INPP1: variants seen among roughly 807,000 people sequenced by gnomAD.
INPP1 encodes inositol polyphosphate-1-phosphatase, also known as inositol polyphosphate 1-phosphatase.
INPP1 carries 18 observed loss-of-function variants against 23.0 expected under a neutral mutation model. That is an observed-to-expected ratio of 0.78 (90% CI 0.54 to 1.16). The LOEUF is 1.16. Among genes scored for constraint, INPP1 ranks in the 50% most tolerant of loss-of-function variants. The probability of loss-of-function intolerance (pLI) is 0.00; values close to 1 mark genes in which losing one functional copy is unlikely to be tolerated. For synonymous variants in INPP1, 164 were observed against 176.3 expected, an observed-to-expected ratio of 0.93 and a Z score of 0.55; for missense variants, 448 against 482.1, an observed-to-expected ratio of 0.93 and a Z score of 0.66.
intron 5 of INPP1, 61 bp downstream of exon 5, chr2:190,366,956 G>C: frequency 9.0e-7 from 1 of 1,107,062 alleles, no homozygotes; most frequent in East Asian, 2.4e-5. Context: ...GTGGGGTTGG[G>C]GATGGGTGTT....
intron 1 of INPP1, chr2:190,344,321 A>G (rs1180200442): frequency 6.5e-6 from 1 of 152,930 alleles, no homozygotes; most frequent in Non-Finnish European, 1.5e-5. Context: ...AGTCATTAGT[A>G]TTTGTAGGAC....
intron 1 of INPP1, chr2:190,344,169 C>T (rs2067389): frequency 8.4e-4 from 137 of 162,572 alleles, no homozygotes; most frequent in Non-Finnish European, 1.5e-3. Context: ...CGGCCGGGCC[C>T]GGCCAGGCAT....
rs1206973371 is a variant in INPP1 at position 190,345,930 on chromosome 2, G to A, written c.-209+1969G>A. 6.6e-6 allele frequency among the ~76,000 whole-genome samples: 1 copy of A among 152,206 alleles called. No individual in the cohort carries two copies. Among genetic ancestry groups the A allele is most frequent in the Non-Finnish European group, 1.5e-5 (1 of 68,042 alleles). On this transcript the variant is annotated intron_variant, in intron 1 of 6. Transcript: ENST00000392329. This position sits in a 1 kb window ranked among gnomAD's most constrained non-coding sequence, Gnocchi z 4.9. ...GATCCCTGGAACCTAGGAATCAGAG[G>A]TTGCAGTGAGCCCAGATCGCGCCAC...
At chr2:190,364,621 C>T (rs1260897817) in intron 4 of INPP1, among the ~76,000 whole-genome samples, 4 of 82,746 alleles carry the variant, frequency 4.8e-5, no homozygotes, top group Non-Finnish European at 8.8e-5. Flanking sequence ...GATGGAGTCT[C>T]CCTCTGTTGC....
chr2:190,351,125 T>A (rs1284886489), intron 2 of INPP1, among the ~76,000 whole-genome samples: 1 of 152,246 alleles, frequency 6.6e-6, no homozygotes, highest in Non-Finnish European at 1.5e-5. Context: ...GTACGAGTCC[T>A]AAGACAGCAA....
chr2:190,362,927 G>T, intron 4 of INPP1: 1 of 311,574 alleles, frequency 3.2e-6, no homozygotes. Context: ...ATAAATCTGT[G>T]GCATTTAAGT....
chr2:190,360,156 T>C lies in INPP1; in HGVS notation c.54T>C (p.Ile18=). The C allele has an allele frequency of 6.2e-7, 1 of 1,614,080 alleles. No individual in the cohort carries two copies. Among genetic ancestry groups the C allele is most frequent in the Non-Finnish European group, 8.5e-7 (1 of 1,180,028 alleles). ...GTGTCTCTGAGAAGGCTGCTAACATTGCCCGGGCGTGCAGACAGCAGGAAG... is the reference window on the plus strand; with the variant it reads ...GTGTCTCTGAGAAGGCTGCTAACATCGCCCGGGCGTGCAGACAGCAGGAAG... The part of the protein sequence containing the change: ...LLCVSEKAAN[I]ARACRQQEAL... The change falls in exon 3 of 7, where the codon ATT becomes ATC. Residue 18 remains isoleucine (I), a synonymous_variant. Transcript: ENST00000392329.
In INPP1 at chr2:190,362,782, C is replaced by T. The variant is rs1455341312; in HGVS notation, c.265+95C>T. 4.1e-6 allele frequency: 3 copies of T among 730,768 alleles called. No homozygotes were observed. The African/African-American group carries it at 5.5e-5, about 13-fold the overall frequency. The allele number at this position is 730,768 out of a possible 1,614,324, so 45.3% of individuals were successfully genotyped here. A position where few individuals can be genotyped will look rare whatever the true frequency, so the allele number is the denominator to read the frequency against. On this transcript the variant is annotated intron_variant, in intron 4 of 6. Transcript: ENST00000392329. ...CCATGAACTAAATGTTTGGAAGCCACTTACTGTAAACAACATAATATATTT... is the reference window on the plus strand; with the variant it reads ...CCATGAACTAAATGTTTGGAAGCCATTTACTGTAAACAACATAATATATTT...
Position 190,354,545 on chromosome 2 carries a change from C to T in INPP1, c.-64-5494C>T, listed in dbSNP as rs541458591. Among the ~76,000 whole-genome samples the T allele has an allele frequency of 5.9e-4, 90 of 152,290 alleles. No individual in the cohort carries two copies. The highest frequency in any genetic ancestry group is 2.1e-3 in the African/African-American group (87 of 41,552). On this transcript the variant is annotated intron_variant, in intron 2 of 6. Transcript: ENST00000392329. The surrounding 1 kb of genome is among the most constrained non-coding windows in gnomAD (Gnocchi z 4.8). Reference sequence around the variant, plus strand: ...GAGACATGCCAGAGATTAACGCCCACGATGGAAAGGCCAGGTGAGGCCACA... The same window carrying T: ...GAGACATGCCAGAGATTAACGCCCATGATGGAAAGGCCAGGTGAGGCCACA...
chr2:190,354,180 A>G lies in INPP1; in HGVS notation c.-65+5149A>G, dbSNP rs1689373670. ...GCAATATTAATTACTTGGCTGTTAA[A>G]GCGAATAGCTTTTAGTGGGAACGAC... On this transcript the variant is annotated intron_variant, in intron 2 of 6. Coordinates refer to ENST00000392329, the MANE Select transcript of INPP1 (RefSeq NM_001128928.2). This position sits in a 1 kb window ranked among gnomAD's most constrained non-coding sequence, Gnocchi z 4.8. 6.6e-6 allele frequency among the ~76,000 whole-genome samples: 1 copy of G among 152,244 alleles called. No homozygotes were observed. The highest frequency in any genetic ancestry group is 6.5e-5 in the Admixed American group (1 of 15,290).
At chr2:190,347,895 T>G (rs1689250375) in intron 1 of INPP1, among the ~76,000 whole-genome samples, 2 of 152,214 alleles carry the variant, frequency 1.3e-5, no homozygotes, top group African/African-American at 2.4e-5. Flanking sequence ...CCCAGCACTT[T>G]GGGAGGCCAA....
rs370147399 is a variant in INPP1, at chr2:190,364,339, T to C, written c.265+1652T>C. 3.3e-5 allele frequency among the ~76,000 whole-genome samples: 5 copies of C among 151,658 alleles called. No individual in the cohort carries two copies. The East Asian group carries it at 9.9e-4, about 30-fold the overall frequency. On this transcript the variant is annotated intron_variant, in intron 4 of 6. Coordinates refer to ENST00000392329, the MANE Select transcript of INPP1 (RefSeq NM_001128928.2). The stretch of plus-strand genomic sequence containing the variant: ...TGGATCACAAGGTCAGGAAATTGAG[T>C]CCATCCTGGCTAACACGGTGAAACC...
rs1488067667 is a variant in INPP1 at position 190,363,854 on chromosome 2, C to A, written c.265+1167C>A. ...TAGAGGCAAAAGGCATAGCCACATC[C>A]ATTTTCCTGTTTGTTAAAAGGGCAG... On this transcript the variant is annotated intron_variant, in intron 4 of 6. Coordinates refer to ENST00000392329, the MANE Select transcript of INPP1 (RefSeq NM_001128928.2). This position sits in a 1 kb window ranked among gnomAD's most constrained non-coding sequence, Gnocchi z 4.4. Among the ~76,000 whole-genome samples, 4 of 152,164 alleles carry A rather than the reference C, an allele frequency of 2.6e-5. No homozygotes were observed. Among genetic ancestry groups the A allele is most frequent in the Non-Finnish European group, 5.9e-5 (4 of 68,036 alleles).
chr2:190,352,093 A>T lies in INPP1; in HGVS notation c.-65+3062A>T, dbSNP rs983607826. 2.6e-5 allele frequency among the ~76,000 whole-genome samples: 4 copies of T among 152,164 alleles called. No individual in the cohort carries two copies. The highest frequency in any genetic ancestry group is 4.4e-5 in the Non-Finnish European group (3 of 68,020). Reference sequence around the variant, plus strand: ...TTCTGTATGTTTATTGGCCATTTGGATATCCTCCTGTATGAAGTGCCTATT... The same window carrying T: ...TTCTGTATGTTTATTGGCCATTTGGTTATCCTCCTGTATGAAGTGCCTATT... On this transcript the variant is annotated intron_variant, in intron 2 of 6. Transcript: ENST00000392329. This position sits in a 1 kb window ranked among gnomAD's most constrained non-coding sequence, Gnocchi z 4.7.
In INPP1 at chr2:190,357,801, A is replaced by T. The variant is rs192744775; in HGVS notation, c.-64-2238A>T. On this transcript the variant is annotated intron_variant, in intron 2 of 6. Transcript: ENST00000392329. ...TTGTTTGCGTGCCCATTAGCAGAGC[A>T]TCTGTTTCACCACATCTCCAAGAGG... 6.7e-3 allele frequency among the ~76,000 whole-genome samples: 1,019 copies of T among 152,316 alleles called. 11 individuals carry two copies. The highest frequency in any genetic ancestry group is 0.023 in the African/African-American group (968 of 41,556).
rs1026921299 is a variant in INPP1 at position 190,343,704 on chromosome 2, G to C, written c.-466G>C. On this transcript the variant is annotated 5_prime_UTR_variant, in exon 1 of 7. Coordinates refer to ENST00000392329, the MANE Select transcript of INPP1 (RefSeq NM_001128928.2). ...GCGGTCCCGCGGGAAAGCCGGGGGC[G>C]GCGGCCTGGCTGAGGCCAAGCTCGG... 1 of 152,052 alleles carries C rather than the reference G, an allele frequency of 6.6e-6. No individual in the cohort carries two copies. The highest frequency in any genetic ancestry group is 1.5e-5 in the Non-Finnish European group (1 of 68,010). 9.4% of individuals were successfully genotyped at this position (152,052 alleles called of 1,614,324 possible). A position where few individuals can be genotyped will look rare whatever the true frequency, so the allele number is the denominator to read the frequency against.
Position 190,367,711 on chromosome 2 carries a change from A to G in INPP1, c.466+816A>G, listed in dbSNP as rs879897745. On this transcript the variant is annotated intron_variant, in intron 5 of 6. Transcript: ENST00000392329. This position sits in a 1 kb window ranked among gnomAD's most constrained non-coding sequence, Gnocchi z 4.1. ...GGACCCAAGTAGGTGGCAGAGTTGC[A>G]TGCCACCTCACTAGGCTAATTTTTT... Among the ~76,000 whole-genome samples, 5 of 152,116 alleles carry G rather than the reference A, an allele frequency of 3.3e-5. No individual in the cohort carries two copies. Among genetic ancestry groups the G allele is most frequent in the Admixed American group, 3.3e-4 (5 of 15,250 alleles).
chr2:190,351,937 G>A (rs760251873), intron 2 of INPP1, among the ~76,000 whole-genome samples: 2 of 152,186 alleles, frequency 1.3e-5, no homozygotes, highest in Non-Finnish European at 2.9e-5. Flanking sequence ...AAGAGTTTCT[G>A]TTGCTCCATA....
chr2:190,370,864 G>T lies in INPP1; in HGVS notation c.662G>T (p.Trp221Leu), dbSNP rs1689786838. Residue 221 changes from tryptophan (W) to leucine (L), a missense_variant, in exon 7 of 7, where the codon TGG becomes TTG. Physicochemically the swap from Trp to Leu is moderately conservative, Grantham distance 61. Transcript: ENST00000392329. ...NTLRWKGQCY[W>L]GLSYMGTNMH... is the part of the protein sequence containing the mutation. The stretch of plus-strand genomic sequence containing the variant: ...TACAGGTGGAAAGGACAGTGCTATT[G>T]GGGCCTTTCTTACATGGGGACCAAC... 6.2e-7 allele frequency: 1 copy of T among 1,612,082 alleles called. No homozygotes were observed. The highest frequency in any genetic ancestry group is 8.5e-7 in the Non-Finnish European group (1 of 1,178,702).
Sources: allele counts gnomAD v4.1 joint callset (sites outside exome capture counted in the v4.1 genomes callset), GRCh38; gene constraint gnomAD v4.1.1; non-coding constraint Gnocchi (gnomAD v3.1); transcripts MANE v1.5; gene names NCBI Gene and HGNC (gene_info 2026-07-23, HGNC 2026-07-21).